Variants in OR1J2 observed in about 807,000 individuals in gnomAD.
OR1J2 encodes the protein olfactory receptor 1J2.
For synonymous variants in OR1J2, 142 were observed against 99.7 expected (o/e 1.42, Z -2.52); for missense variants, 304 against 246.1 (o/e 1.24, Z -1.57).
the OR1J2 span, chr9:122,572,857 T>C: frequency 6.6e-6 from 1 of 152,262 alleles, no homozygotes; most frequent in Admixed American, 6.5e-5. Flanking sequence ...TTTCCAACTC[T>C]GCTTCTTAGC....
the OR1J2 span, among the ~76,000 whole-genome samples, chr9:122,560,139 T>C: frequency 5.3e-5 from 8 of 152,196 alleles, no homozygotes; most frequent in East Asian, 7.7e-4. Flanking sequence ...TGTCAGAGAC[T>C]AGGATCACAA....
the OR1J2 span, chr9:122,568,080 T>C: frequency 6.2e-7 from 1 of 1,613,834 alleles, no homozygotes; most frequent in Non-Finnish European, 8.5e-7. Context: ...GGTGGTGACA[T>C]AGTGGAAAGG....
chr9:122,552,592 A>T, the OR1J2 span, among the ~76,000 whole-genome samples: 1 of 151,894 alleles, frequency 6.6e-6, no homozygotes, highest in Admixed American at 6.6e-5. Flanking sequence ...GACACCAGAC[A>T]CCTACTGCCC....
chr9:122,476,223 G>A, the OR1J2 span, among the ~76,000 whole-genome samples: 1 of 152,226 alleles, frequency 6.6e-6, no homozygotes, highest in African/African-American at 2.4e-5. Context: ...TATGTAAGGA[G>A]TGAGAAATGT....
chr9:122,547,657 G>GTGTGTGTA, the OR1J2 span, among the ~76,000 whole-genome samples: 1 of 147,812 alleles, frequency 6.8e-6, no homozygotes, highest in Non-Finnish European at 1.5e-5. Flanking sequence ...GTGTGTGTGT[G>GTGTGTGTA]TACATACACA....
the OR1J2 span, among the ~76,000 whole-genome samples, chr9:122,533,652 A>C: frequency 6.6e-6 from 1 of 152,142 alleles, no homozygotes; most frequent in African/African-American, 2.4e-5. Context: ...AAAAGAGTGC[A>C]TAAAAGAATG....
At chr9:122,497,608 A>G in the OR1J2 span, among the ~76,000 whole-genome samples, 1 of 152,074 alleles carries the variant, frequency 6.6e-6, no homozygotes, top group Non-Finnish European at 1.5e-5. Context: ...ATTCTTTCAA[A>G]GAACCAACTT....
the OR1J2 span, among the ~76,000 whole-genome samples, chr9:122,498,366 T>G: frequency 6.6e-6 from 1 of 152,210 alleles, no homozygotes; most frequent in East Asian, 1.9e-4. Context: ...TTAGACTAGG[T>G]TGATTCAAAA....
chr9:122,531,920 A>G, the OR1J2 span, among the ~76,000 whole-genome samples: 454 of 152,218 alleles, frequency 3.0e-3, 5 homozygotes, highest in Middle Eastern at 6.8e-3. Context: ...CTAGACCAAG[A>G]GGTATTTTAG....
chr9:122,524,066 T>C, the OR1J2 span, among the ~76,000 whole-genome samples: 1 of 152,222 alleles, frequency 6.6e-6, no homozygotes, highest in African/African-American at 2.4e-5. Flanking sequence ...GATAAGATAG[T>C]CATGTGCCTC....
chr9:122,526,001 C>A, the OR1J2 span, among the ~76,000 whole-genome samples: 5 of 152,072 alleles, frequency 3.3e-5, no homozygotes, highest in Non-Finnish European at 5.9e-5. Flanking sequence ...TTCCAACACA[C>A]CATAGATAGT....
chr9:122,568,996 T>A, the OR1J2 span, among the ~76,000 whole-genome samples: 1 of 152,140 alleles, frequency 6.6e-6, no homozygotes, highest in Admixed American at 6.5e-5. Context: ...TTCAGGACAC[T>A]CTTTCCCTAT....
At chr9:122,482,397 G>A in the OR1J2 span, among the ~76,000 whole-genome samples, 1 of 152,126 alleles carries the variant, frequency 6.6e-6, no homozygotes, top group African/African-American at 2.4e-5. Context: ...TGTGGAAAAA[G>A]GGGAAGACTT....
the OR1J2 span, chr9:122,553,468 C>T: frequency 6.2e-7 from 1 of 1,614,128 alleles, no homozygotes; most frequent in South Asian, 1.1e-5. Flanking sequence ...AAAATGCTGG[C>T]CAACATTCAT....
downstream of OR1J2, among the ~76,000 whole-genome samples, chr9:122,514,257 G>A (rs976414215): frequency 2.0e-5 from 3 of 152,138 alleles, no homozygotes; most frequent in Non-Finnish European, 4.4e-5. Context: ...GATAGTGAGC[G>A]TAGTACCCAA....
At chr9:122,537,982 A>C in the OR1J2 span, among the ~76,000 whole-genome samples, 6 of 152,224 alleles carry the variant, frequency 3.9e-5, no homozygotes, top group East Asian at 7.7e-4. Context: ...CCTAATGTCC[A>C]TGTGGGCCCT....
chr9:122,523,925 A>G, the OR1J2 span, among the ~76,000 whole-genome samples: 16 of 152,162 alleles, frequency 1.1e-4, 1 homozygote, highest in Non-Finnish European at 4.4e-5. Context: ...TTACCCTACC[A>G]AGGTGCAAAG....
chr9:122,533,235 C>T, the OR1J2 span, among the ~76,000 whole-genome samples: 1 of 152,092 alleles, frequency 6.6e-6, no homozygotes, highest in African/African-American at 2.4e-5. Context: ...GGTGCAGATC[C>T]TGAACTAACC....
At chr9:122,460,917 C>T in the OR1J2 span, among the ~76,000 whole-genome samples, 1 of 151,878 alleles carries the variant, frequency 6.6e-6, no homozygotes, top group South Asian at 2.1e-4. Flanking sequence ...CTCAGCTGGT[C>T]CCTCTTGGTG....
Sources: allele counts gnomAD v4.1 joint callset (sites outside exome capture counted in the v4.1 genomes callset), GRCh38; gene constraint gnomAD v4.1.1; transcripts MANE v1.5; gene names NCBI Gene and HGNC (gene_info 2026-07-23, HGNC 2026-07-21).